Variants in KALRN observed in about 807,000 individuals in gnomAD.
The protein encoded by KALRN is kalirin RhoGEF kinase, also known as kalirin.
KALRN carries 70 observed loss-of-function variants against 353.7 expected under a neutral mutation model. The ratio of observed to expected loss-of-function variants is 0.20; its 90% CI spans 0.16 to 0.24. The LOEUF (loss-of-function observed/expected upper bound fraction) is 0.24. Ranked by LOEUF, KALRN falls within the 10% of genes least tolerant of loss-of-function variation. The pLI is 1.00. For missense variants in KALRN, 2,791 were observed against 3,756.7 expected, an observed-to-expected ratio of 0.74 and a Z score of 6.72; for synonymous variants, 1,391 against 1,434.8, an observed-to-expected ratio of 0.97 and a Z score of 0.69.
At chr3:124,576,324 C>G (rs780687031) in intron 34 of KALRN, among the ~76,000 whole-genome samples, 3 of 152,058 alleles carry the variant, frequency 2.0e-5, no homozygotes, top group Non-Finnish European at 2.9e-5. Flanking sequence ...GCATCTAAAA[C>G]AGTAGCTGCC....
chr3:124,490,483 G>A (rs1387186376), intron 29 of KALRN, among the ~76,000 whole-genome samples: 1 of 152,168 alleles, frequency 6.6e-6, no homozygotes, highest in East Asian at 1.9e-4. Context: ...AAAAGACATG[G>A]TGCAGGAAGG....
intron 33 of KALRN, among the ~76,000 whole-genome samples, chr3:124,560,054 G>A (rs530832021): frequency 2.6e-5 from 4 of 152,282 alleles, no homozygotes; most frequent in East Asian, 3.9e-4. Flanking sequence ...TAGGCTTCTC[G>A]CCAGGAACTG....
chr3:124,692,414 A>T (rs1256467081), intron 51 of KALRN, among the ~76,000 whole-genome samples: 2 of 152,218 alleles, frequency 1.3e-5, no homozygotes, highest in Non-Finnish European at 2.9e-5. Context: ...TTTCTTCCAA[A>T]GGGTTTATAT....
chr3:124,138,199 G>T (rs1419086222), intron 1 of KALRN, among the ~76,000 whole-genome samples: 1 of 152,162 alleles, frequency 6.6e-6, no homozygotes, highest in East Asian at 1.9e-4. Context: ...GGCTCAGTGG[G>T]AGTTGAGCAG....
At position 124,264,596 on chromosome 3, in the gene KALRN, T is replaced by C; in HGVS notation, c.362T>C (p.Phe121Ser). ...CTCCTCAAAACGCTGCAGGAAGCCT[T>C]TCCAGCTGAGATCCATGTGGCCCTC... is the stretch of plus-strand genomic sequence containing the variant. Reference protein sequence around the residue: ...KPLLKTLQEAFPAEIHVALII... With the variant: ...KPLLKTLQEASPAEIHVALII... The change falls in exon 4 of 60, where the codon TTT becomes TCT. Residue 121 changes from phenylalanine (F) to serine (S), a missense_variant. Around this residue, in one of 11 missense-constraint regions of KALRN, gnomAD observed 110 missense variants for 204.1 expected, o/e 0.54. Coordinates refer to ENST00000682506, the MANE Select transcript of KALRN (RefSeq NM_001388419.1). 1 of 1,614,196 alleles carries C rather than the reference T, an allele frequency of 6.2e-7. No homozygotes were observed. Among genetic ancestry groups the C allele is most frequent in the Non-Finnish European group, 8.5e-7 (1 of 1,180,016 alleles).
Position 124,609,228 on chromosome 3 carries a change from T to C in KALRN, c.5183-23192T>C, listed in dbSNP as rs533794478. ...TTTTTTTTTTCCTGTAATGCTTATA[T>C]ATTACTTTTGAAATCCTGACTTTTT... On this transcript the variant is annotated intron_variant, in intron 34 of 59. Transcript: ENST00000682506. Among the ~76,000 whole-genome samples the C allele has an allele frequency of 3.9e-5, 6 of 152,324 alleles. No homozygotes were observed. In the East Asian group the frequency reaches 1.2e-3, roughly 29 times the overall value.
At chr3:124,377,496 A>C (rs1448793850) in intron 10 of KALRN, among the ~76,000 whole-genome samples, 1 of 151,908 alleles carries the variant, frequency 6.6e-6, no homozygotes, top group South Asian at 2.1e-4. Context: ...ATATTCTGTG[A>C]GCACTTGAAA....
At chr3:124,694,794 G>A (rs558116037) in intron 53 of KALRN, among the ~76,000 whole-genome samples, 1 of 152,334 alleles carries the variant, frequency 6.6e-6, no homozygotes, top group South Asian at 2.1e-4. Flanking sequence ...GGGATCAACA[G>A]AATGGTTTGT....
At chr3:124,201,571 G>A (rs2075947443) in intron 1 of KALRN, among the ~76,000 whole-genome samples, 1 of 152,166 alleles carries the variant, frequency 6.6e-6, no homozygotes, top group South Asian at 2.1e-4. Flanking sequence ...TTAAAATGCT[G>A]TTCTCGTCAA....
rs372474984 is a variant in KALRN at position 124,234,923 on chromosome 3, G to A, written c.243G>A (p.Thr81=). ...IRQEDLRKLV[T]YLASVPSEDV... ...AGGAAGACCTGCGGAAACTCGTGAC[G>A]TATTTGGCCAGCGTGCCAAGGTAAG... is the stretch of plus-strand genomic sequence containing the variant. Residue 81 remains threonine, a synonymous_variant, in exon 3 of 60, where the codon ACG becomes ACA. Coordinates refer to ENST00000682506, the MANE Select transcript of KALRN (RefSeq NM_001388419.1). 126 of 1,604,366 alleles carry A rather than the reference G, an allele frequency of 7.9e-5. No homozygotes were observed. Among genetic ancestry groups the A allele is most frequent in the Non-Finnish European group, 9.8e-5 (115 of 1,174,850 alleles).
At chr3:124,677,447 T>C (rs1241017958) in intron 49 of KALRN, 1 of 363,158 alleles carries the variant, frequency 2.8e-6, no homozygotes, top group Non-Finnish European at 5.4e-6. Context: ...AAAGGCCTAT[T>C]GAAAAGCCAT....
intron 1 of KALRN, among the ~76,000 whole-genome samples, chr3:124,044,247 A>T (rs1461447754): frequency 6.6e-6 from 1 of 152,134 alleles, no homozygotes; most frequent in Non-Finnish European, 1.5e-5. Context: ...GACCCTCCAG[A>T]GGGCTGGGGA....
intron 57 of KALRN, among the ~76,000 whole-genome samples, chr3:124,711,205 A>C (rs1446633780): frequency 1.3e-5 from 2 of 152,108 alleles, no homozygotes; most frequent in Non-Finnish European, 2.9e-5. Context: ...AAATTTTTAA[A>C]GCGAAAGGAT....
intron 1 of KALRN, among the ~76,000 whole-genome samples, chr3:124,112,836 T>G (rs531077907): frequency 3.3e-5 from 5 of 152,136 alleles, no homozygotes; most frequent in African/African-American, 1.2e-4. Context: ...AGCTGGGTTT[T>G]GGGGGAGGGT....
chr3:124,371,474 G>T (rs1257266914), intron 10 of KALRN, among the ~76,000 whole-genome samples: 4 of 151,894 alleles, frequency 2.6e-5, no homozygotes, highest in Admixed American at 6.6e-5. Flanking sequence ...TGGGTTGTAT[G>T]GTAATTGTAT....
At chr3:124,091,237 T>G (rs2061101164) in intron 1 of KALRN, among the ~76,000 whole-genome samples, 1 of 152,194 alleles carries the variant, frequency 6.6e-6, no homozygotes, top group Non-Finnish European at 1.5e-5. Context: ...AGCCCGCTTG[T>G]TGGGGCAGGG....
intron 28 of KALRN, among the ~76,000 whole-genome samples, chr3:124,487,302 A>G (rs1011914566): frequency 9.2e-5 from 14 of 152,208 alleles, no homozygotes; most frequent in African/African-American, 2.9e-4. Context: ...CAGATACTAT[A>G]TATCTTTTAT....
chr3:124,583,995 T>C (rs1452828817), intron 34 of KALRN, among the ~76,000 whole-genome samples: 1 of 152,160 alleles, frequency 6.6e-6, no homozygotes, highest in Non-Finnish European at 1.5e-5. Context: ...CCCGAGACCC[T>C]GCCTCTATTA....
At chr3:124,495,729 T>TAAAAAAAAAAAAA in intron 32 of KALRN, among the ~76,000 whole-genome samples, 1 of 68,234 alleles carries the variant, frequency 1.5e-5, no homozygotes, top group Non-Finnish European at 2.6e-5. Context: ...GACTCCATCT[T>TAAAAAAAAAAAAA]AAAAAAAAAA....
Sources: allele counts gnomAD v4.1 joint callset (sites outside exome capture counted in the v4.1 genomes callset), GRCh38; gene constraint gnomAD v4.1.1; regional missense constraint gnomAD v4.1.1; transcripts MANE v1.5; gene names NCBI Gene and HGNC (gene_info 2026-07-23, HGNC 2026-07-21).